SAMD12: variants seen among roughly 807,000 people sequenced by gnomAD.
The protein encoded by SAMD12 is sterile alpha motif domain containing 12, also known as sterile alpha motif domain-containing protein 12.
In SAMD12, 9 loss-of-function variants were observed where a neutral mutation model predicts 15.0. The observed-to-expected ratio is 0.60, with a 90% CI of 0.36 to 1.05. The LOEUF (loss-of-function observed/expected upper bound fraction) is 1.05, where lower values mean the gene tolerates loss of function less well. Ranked by LOEUF, SAMD12 falls within the 50% of genes least tolerant of loss-of-function variation. The probability of loss-of-function intolerance (pLI) is 0.01; values close to 1 mark genes in which losing one functional copy is unlikely to be tolerated. For synonymous variants in SAMD12, 86 were observed against 90.1 expected, an observed-to-expected ratio of 0.96 and a Z score of 0.25; for missense variants, 230 against 234.2, an observed-to-expected ratio of 0.98 and a Z score of 0.12.
intron 2 of SAMD12, among the ~76,000 whole-genome samples, chr8:118,444,231 GC>G (rs888854782): frequency 6.6e-6 from 1 of 152,034 alleles, no homozygotes; most frequent in African/African-American, 2.4e-5. Flanking sequence ...AAAAACATTT[GC>G]CCCAGTTCTT....
chr8:118,231,640 C>G (rs1352620120), intron 4 of SAMD12, among the ~76,000 whole-genome samples: 4 of 152,062 alleles, frequency 2.6e-5, no homozygotes, highest in Non-Finnish European at 4.4e-5. Context: ...TTTTTTAAAA[C>G]TCTTTATTGA....
chr8:118,379,166 T>C lies in SAMD12; in HGVS notation c.*251A>G, dbSNP rs541152879. On this transcript the variant is annotated 3_prime_UTR_variant, in exon 4 of 4. Coordinates refer to ENST00000314727, the MANE Select transcript of SAMD12 (RefSeq NM_207506.3). ...CTCAAATGCTAAAGCGCCCTCACAA[T>C]TGGCGCAGGTGAAGATAGCTACAGC... 4 of 1,223,380 alleles carry C rather than the reference T, an allele frequency of 3.3e-6. No homozygotes were observed. The East Asian group carries it at 9.8e-5, about 30-fold the overall frequency. The allele number at this position is 1,223,380 out of a possible 1,614,324, so 75.8% of individuals were successfully genotyped here.
chr8:118,203,062 T>C (rs916735835), intron 4 of SAMD12, among the ~76,000 whole-genome samples: 1 of 152,218 alleles, frequency 6.6e-6, no homozygotes, highest in East Asian at 1.9e-4. Flanking sequence ...CTAGAATGCA[T>C]AGAGCTGGGA....
chr8:118,449,519 G>T (rs532805894), intron 2 of SAMD12, among the ~76,000 whole-genome samples: 2 of 151,852 alleles, frequency 1.3e-5, no homozygotes, highest in South Asian at 2.1e-4. Context: ...GAGGACAAAA[G>T]TGAGAAAATA....
chr8:118,483,892 G>A (rs1824200795), intron 2 of SAMD12, among the ~76,000 whole-genome samples: 1 of 152,264 alleles, frequency 6.6e-6, no homozygotes, highest in African/African-American at 2.4e-5. Context: ...TAGATTCAAA[G>A]CCAGATTTAT....
intron 4 of SAMD12, among the ~76,000 whole-genome samples, chr8:118,288,925 A>C (rs1814207492): frequency 6.6e-6 from 1 of 152,228 alleles, no homozygotes; most frequent in African/African-American, 2.4e-5. Context: ...TGCTAGAAAA[A>C]TGAAAAATAA....
intron 2 of SAMD12, among the ~76,000 whole-genome samples, chr8:118,571,159 G>C (rs1827000808): frequency 6.6e-6 from 1 of 152,158 alleles, no homozygotes; most frequent in Non-Finnish European, 1.5e-5. Context: ...TTGGTACTAG[G>C]AGTGGGGCGC....
intron 2 of SAMD12, among the ~76,000 whole-genome samples, chr8:118,542,168 T>C (rs933951124): frequency 3.3e-5 from 5 of 152,178 alleles, no homozygotes; most frequent in Admixed American, 2.6e-4. Flanking sequence ...CCTGGCTGCA[T>C]AGACAATAAG....
intron 1 of SAMD12, among the ~76,000 whole-genome samples, chr8:118,620,729 G>A (rs911030448): frequency 5.3e-5 from 8 of 152,126 alleles, no homozygotes; most frequent in Admixed American, 5.2e-4. Context: ...AGCCAGCCTC[G>A]TGGCCTTCTC....
chr8:118,168,186 T>A, the SAMD12 span, among the ~76,000 whole-genome samples: 3 of 152,258 alleles, frequency 2.0e-5, no homozygotes, highest in Admixed American at 1.3e-4. Flanking sequence ...GTCTCAGATA[T>A]GTCTTTATCA....
In SAMD12 at chr8:118,197,239, C is replaced by T. The variant is rs569742336; in HGVS notation, c.*471G>A. The T allele has an allele frequency of 6.4e-5, 11 of 172,548 alleles. No individual in the cohort carries two copies. The South Asian group carries it at 7.4e-4, about 12-fold the overall frequency. 10.7% of individuals were successfully genotyped at this position (172,548 alleles called of 1,614,324 possible). A position where few individuals can be genotyped will look rare whatever the true frequency, so the allele number is the denominator to read the frequency against. ...GACATCATAACTAACATAATCGAGA[C>T]GTGTTTACATTCCTACCAGGGCATA... is the stretch of plus-strand genomic sequence containing the variant. On this transcript the variant is annotated 3_prime_UTR_variant, in exon 5 of 5. Transcript: ENST00000409003.
At chr8:118,410,268 G>A (rs1821346216) in intron 3 of SAMD12, among the ~76,000 whole-genome samples, 1 of 152,148 alleles carries the variant, frequency 6.6e-6, no homozygotes, top group Non-Finnish European at 1.5e-5. Flanking sequence ...GAAAGGGAGA[G>A]AGTTGTCCTA....
At chr8:118,269,187 G>T (rs1813276278) in intron 4 of SAMD12, among the ~76,000 whole-genome samples, 1 of 123,724 alleles carries the variant, frequency 8.1e-6, no homozygotes, top group African/African-American at 3.2e-5. Flanking sequence ...ATTCTTCTTT[G>T]CTTTTGTTCT....
intron 4 of SAMD12, among the ~76,000 whole-genome samples, chr8:118,262,599 A>G (rs1412645651): frequency 6.6e-6 from 1 of 152,184 alleles, no homozygotes; most frequent in African/African-American, 2.4e-5. Flanking sequence ...AGGTGGCGGC[A>G]CAGACAACAT....
intron 4 of SAMD12, among the ~76,000 whole-genome samples, chr8:118,276,959 C>A (rs1813489948): frequency 6.6e-6 from 1 of 152,138 alleles, no homozygotes; most frequent in Non-Finnish European, 1.5e-5. Context: ...AGGTGTGCGC[C>A]ACTCACACAC....
At chr8:118,406,606 G>A (rs1821142154) in intron 3 of SAMD12, among the ~76,000 whole-genome samples, 1 of 152,098 alleles carries the variant, frequency 6.6e-6, no homozygotes, top group Non-Finnish European at 1.5e-5. Flanking sequence ...ACTCAGTAGT[G>A]TTAACTATAT....
rs116106891 is a variant in SAMD12, at chr8:118,202,710, G to A, written c.434-4978C>T. Among the ~76,000 whole-genome samples the A allele has an allele frequency of 4.4e-3, 674 of 152,276 alleles. 2 individuals are homozygous for A. Among genetic ancestry groups the A allele is most frequent in the African/African-American group, 0.015 (635 of 41,552 alleles). On this transcript the variant is annotated intron_variant, in intron 4 of 4. Coordinates refer to the SAMD12 transcript ENST00000409003. Reference sequence around the variant, plus strand: ...TCATCCTTTAAAAGGGCTGTTCAGTGTCTTCCCTTCAGAAAGAAGGGTCCA... The same window carrying A: ...TCATCCTTTAAAAGGGCTGTTCAGTATCTTCCCTTCAGAAAGAAGGGTCCA...
At chr8:118,227,303 T>A (rs938725199) in intron 4 of SAMD12, among the ~76,000 whole-genome samples, 4 of 151,976 alleles carry the variant, frequency 2.6e-5, no homozygotes, top group Non-Finnish European at 1.5e-5. Context: ...CTTATAAGTG[T>A]GAGCCAAATG....
the SAMD12 span, among the ~76,000 whole-genome samples, chr8:118,132,972 GTATATATATATATATA>G: frequency 0.036 from 1,738 of 48,256 alleles, 144 homozygotes; most frequent in East Asian, 0.19. Context: ...GTGTGTGTGT[GTATATATATATATATA>G]TATATATATA....
Sources: gnomAD v4.1 joint callset for allele counts (sites outside exome capture counted in the v4.1 genomes callset) on GRCh38, gnomAD v4.1.1 for gene constraint, MANE v1.5 for transcripts, NCBI Gene and HGNC (gene_info 2026-07-23, HGNC 2026-07-21) for gene names.